Variants in GRK3 observed in about 807,000 individuals in gnomAD.
GRK3 encodes the protein adrenergic, beta, receptor kinase 2.
GRK3 carries 54 observed loss-of-function variants against 95.7 expected under a neutral mutation model. The observed-to-expected ratio is 0.56, with a 90% confidence interval of 0.45 to 0.71. The LOEUF (loss-of-function observed/expected upper bound fraction) is 0.71, where lower values mean the gene tolerates loss of function less well. Ranked by LOEUF, GRK3 falls within the 30% of genes least tolerant of loss-of-function variation. The pLI, the probability that GRK3 is intolerant of heterozygous loss-of-function variation, is 0.00. For missense variants in GRK3, 649 were observed against 851.2 expected, an observed-to-expected ratio of 0.76 and a Z score of 2.96; for synonymous variants, 281 against 290.8, an observed-to-expected ratio of 0.97 and a Z score of 0.34.
At chr22:25,640,634 A>G (rs2084736056) in intron 2 of GRK3, among the ~76,000 whole-genome samples, 1 of 152,192 alleles carries the variant, frequency 6.6e-6, no homozygotes, top group East Asian at 1.9e-4. Flanking sequence ...TCTAATTTTT[A>G]GGAGATTTAA....
intron 5 of GRK3, among the ~76,000 whole-genome samples, chr22:25,667,414 C>G (rs535769250): frequency 6.6e-6 from 1 of 152,310 alleles, no homozygotes; most frequent in South Asian, 2.1e-4. Flanking sequence ...AACCCAGCAC[C>G]AGGCTTTTCT....
chr22:25,674,361 T>A, intron 7 of GRK3, 76 bp from the exon 8 acceptor site: 2 of 1,186,122 alleles, frequency 1.7e-6, no homozygotes, highest in Non-Finnish European at 2.5e-6. Flanking sequence ...ACTGTCTATG[T>A]TTTGCATGAA....
At chr22:25,672,255 T>G (rs904191487) in intron 6 of GRK3, 41 bp from the exon 7 acceptor site, 1 of 992,312 alleles carries the variant, frequency 1.0e-6, no homozygotes, top group African/African-American at 1.6e-5. Flanking sequence ...TCCAGTTAAT[T>G]TGATATTTAA....
intron 2 of GRK3, among the ~76,000 whole-genome samples, chr22:25,630,115 T>C (rs2084654339): frequency 6.6e-6 from 1 of 152,216 alleles, no homozygotes; most frequent in Non-Finnish European, 1.5e-5. Flanking sequence ...CATGAGTTCA[T>C]AGCCACATGA....
At chr22:25,710,871 T>C (rs768435364) in intron 16 of GRK3, among the ~76,000 whole-genome samples, 197 bp from the exon 17 acceptor site, 4 of 152,262 alleles carry the variant, frequency 2.6e-5, no homozygotes, top group Non-Finnish European at 4.4e-5. Context: ...GTCTAAAATA[T>C]AGGGCCTTCC....
rs574113067 is a variant in GRK3, at chr22:25,727,905, A to G, written c.*5455A>G. On this transcript the variant is annotated 3_prime_UTR_variant, in exon 21 of 21. Transcript: ENST00000324198. ...CAACACTGGCCATTTTTTTAGTTTT[A>G]TTGTTAAATGGTATTTTTCTATGTT... is the stretch of plus-strand genomic sequence containing the variant. 3.9e-5 allele frequency: 6 copies of G among 152,066 alleles called. No individual in the cohort carries two copies. The highest frequency in any genetic ancestry group is 5.9e-5 in the Non-Finnish European group (4 of 67,986). The allele number at this position is 152,066 out of a possible 1,614,324, so 9.4% of individuals were successfully genotyped here.
chr22:25,697,438 T>C lies in GRK3; in HGVS notation c.1160+2224T>C. 1.3e-5 allele frequency among the ~76,000 whole-genome samples: 2 copies of C among 152,180 alleles called. 1 individual carries two copies. Among genetic ancestry groups the C allele is most frequent in the East Asian group, 3.9e-4 (2 of 5,194 alleles). ...GATTGGCCTTGATGGAAGCATTATGTTCAGTGGGGCTCCTGCCGAAAAGAG... is the reference window on the plus strand; with the variant it reads ...GATTGGCCTTGATGGAAGCATTATGCTCAGTGGGGCTCCTGCCGAAAAGAG... On this transcript the variant is annotated intron_variant, in intron 13 of 20. Transcript: ENST00000324198.
intron 8 of GRK3, among the ~76,000 whole-genome samples, chr22:25,678,271 G>A (rs111314212): frequency 5.3e-5 from 8 of 152,112 alleles, no homozygotes; most frequent in Non-Finnish European, 1.0e-4. Context: ...TGGCTAACAC[G>A]GTGAAACCCC....
intron 3 of GRK3, among the ~76,000 whole-genome samples, chr22:25,654,164 T>C (rs1242614783): frequency 6.6e-6 from 1 of 152,212 alleles, no homozygotes; most frequent in Non-Finnish European, 1.5e-5. Context: ...AAAATGAATA[T>C]ACTTCTAAAC....
rs1018059734 is a variant in GRK3, at chr22:25,708,081, CAAT to C, written c.1329-1801_1329-1799del. On this transcript the variant is annotated intron_variant, in intron 15 of 20. Coordinates refer to ENST00000324198, the MANE Select transcript of GRK3 (RefSeq NM_005160.4). Reference sequence around the variant, plus strand: ...TGAAACCCCATCTCTACTAAATATACAATAATAATAATAATAATTAGCCGGGTG... The same window carrying C: ...TGAAACCCCATCTCTACTAAATATACAATAATAATAATAATTAGCCGGGTG... Among the ~76,000 whole-genome samples, 8 of 151,878 alleles carry C rather than the reference CAAT, an allele frequency of 5.3e-5. No homozygotes were observed. In the East Asian group the frequency reaches 1.2e-3, roughly 22 times the overall value.
intron 3 of GRK3, among the ~76,000 whole-genome samples, chr22:25,655,102 T>A (rs79492451): frequency 0.022 from 3,402 of 152,290 alleles, 61 homozygotes; most frequent in Middle Eastern, 0.068. Context: ...CTTGTTGATT[T>A]GTGACCCCAA....
chr22:25,626,145 G>T (rs2084626521), intron 2 of GRK3, among the ~76,000 whole-genome samples: 2 of 152,170 alleles, frequency 1.3e-5, no homozygotes, highest in South Asian at 4.1e-4. Context: ...TAGCCAGGAT[G>T]GTCTTGATCT....
rs540898248 is a variant in GRK3 at position 25,714,676 on chromosome 22, A to G, written c.1654+106A>G. Reference sequence around the variant, plus strand: ...GTCGTAAGGTATTTTGCAGTCGAGAAGAAAGCAATGCCATAAATCGCTTTA... The same window carrying G: ...GTCGTAAGGTATTTTGCAGTCGAGAGGAAAGCAATGCCATAAATCGCTTTA... On this transcript the variant is annotated intron_variant, in intron 18 of 20. Transcript: ENST00000324198. 3.9e-4 allele frequency: 414 copies of G among 1,056,212 alleles called. 4 individuals carry two copies. Among genetic ancestry groups the G allele is most frequent in the South Asian group, 2.8e-3 (158 of 56,292 alleles). The allele number at this position is 1,056,212 out of a possible 1,614,324, so 65.4% of individuals were successfully genotyped here.
chr22:25,719,699 T>TC (rs1555876261), intron 19 of GRK3, among the ~76,000 whole-genome samples: 10 of 48,150 alleles, frequency 2.1e-4, no homozygotes, highest in African/African-American at 6.2e-4. Flanking sequence ...CTTGGTGGGG[T>TC]GGGGGGGGGG....
chr22:25,587,072 G>A (rs552653194), intron 1 of GRK3, among the ~76,000 whole-genome samples: 2 of 152,192 alleles, frequency 1.3e-5, no homozygotes, highest in East Asian at 3.9e-4. Context: ...TGTGTTTTTA[G>A]TAGAGACAGG....
rs145811728 is a variant in GRK3, at chr22:25,717,976, TC to T, written c.1655-266del. ...AGAGTTTGGAAACTAACTTTTGCCCTCCCAGAGCAATAAATGAACATCATGG... is the reference window on the plus strand; with the variant it reads ...AGAGTTTGGAAACTAACTTTTGCCCTCCAGAGCAATAAATGAACATCATGG... On this transcript the variant is annotated intron_variant, in intron 18 of 20. Coordinates refer to ENST00000324198, the MANE Select transcript of GRK3 (RefSeq NM_005160.4). Among the ~76,000 whole-genome samples, 766 of 152,260 alleles carry T rather than the reference TC, an allele frequency of 5.0e-3. 5 individuals carry two copies. Among genetic ancestry groups the T allele is most frequent in the African/African-American group, 0.017 (724 of 41,546 alleles).
chr22:25,645,903 A>G (rs1253970755), intron 3 of GRK3, among the ~76,000 whole-genome samples: 1 of 151,516 alleles, frequency 6.6e-6, no homozygotes, highest in Non-Finnish European at 1.5e-5. Flanking sequence ...CCTGGGCGAC[A>G]GAGCGAGACT....
At chr22:25,686,457 C>G (rs2085115228) in intron 10 of GRK3, among the ~76,000 whole-genome samples, 1 of 152,036 alleles carries the variant, frequency 6.6e-6, no homozygotes. Context: ...GGTAGGGGAG[C>G]TTTTGGGATG....
intron 6 of GRK3, 103 bp from the exon 7 acceptor site, chr22:25,672,193 A>G (rs1442075435): frequency 8.6e-6 from 5 of 583,272 alleles, no homozygotes; most frequent in African/African-American, 1.9e-5. Context: ...TTTATTTGAC[A>G]AGCAACCCAA....
Sources: allele counts gnomAD v4.1 joint callset (sites outside exome capture counted in the v4.1 genomes callset), GRCh38; gene constraint gnomAD v4.1.1; transcripts MANE v1.5; gene names NCBI Gene and HGNC (gene_info 2026-07-23, HGNC 2026-07-21).